GOT1L1: variants seen among roughly 807,000 people sequenced by gnomAD.
GOT1L1 encodes the protein aspartate aminotransferase, cytoplasmic 2.
A neutral mutation model predicts 43.6 loss-of-function variants in GOT1L1; 38 were observed. The ratio of observed to expected loss-of-function variants is 0.87; its 90% CI spans 0.67 to 1.14. GOT1L1 has a LOEUF of 1.14. Ranked by LOEUF, GOT1L1 falls within the 50% of genes most tolerant of loss-of-function variation. The pLI is 0.00. For missense variants in GOT1L1, 482 were observed against 504.0 expected (o/e 0.96, Z 0.42); for synonymous variants, 183 against 187.2 (o/e 0.98, Z 0.18).
chr8:37,937,387 C>A lies in GOT1L1; in HGVS notation c.410-1G>T. 1 of 1,578,092 alleles carries A rather than the reference C, an allele frequency of 6.3e-7. No individual in the cohort carries two copies. The highest frequency in any genetic ancestry group is 2.2e-5 in the East Asian group (1 of 44,674). On this transcript the variant is annotated splice_acceptor_variant, in intron 3 of 8. Coordinates refer to ENST00000307599, the MANE Select transcript of GOT1L1 (RefSeq NM_152413.3). LOFTEE classifies it high-confidence loss of function. Reference sequence around the variant, plus strand: ...TCCTGGAAGACGAGTCCATGCAGTTCTGTGGGAACACAGCCCCCCACTAGC... The same window carrying A: ...TCCTGGAAGACGAGTCCATGCAGTTATGTGGGAACACAGCCCCCCACTAGC...
At chr8:37,938,063 CA>C (rs2130272518) in intron 2 of GOT1L1, among the ~76,000 whole-genome samples, 1 of 150,968 alleles carries the variant, frequency 6.6e-6, no homozygotes, top group African/African-American at 2.4e-5. Flanking sequence ...AGTAAATAAA[CA>C]TTAAAAAATA....
chr8:37,935,554 A>C (rs1807722659), intron 7 of GOT1L1, 150 bp downstream of exon 7: 1 of 763,142 alleles, frequency 1.3e-6, no homozygotes, highest in Non-Finnish European at 2.0e-6. Flanking sequence ...CCATTGGTAC[A>C]CATCAGGTCC....
chr8:37,939,416 G>GAAAAAAAAAAAAA (rs4058283), intron 1 of GOT1L1, among the ~76,000 whole-genome samples: 1 of 21,408 alleles, frequency 4.7e-5, no homozygotes, highest in African/African-American at 2.0e-4. Flanking sequence ...CCTGTCTCAA[G>GAAAAAAAAAAAAA]AAAAAAAAAA....
intron 4 of GOT1L1, 45 bp downstream of exon 4, chr8:37,937,232 T>A: frequency 7.5e-7 from 1 of 1,327,986 alleles, no homozygotes; most frequent in Non-Finnish European, 1.1e-6. Flanking sequence ...AACATTAGGC[T>A]GTAAGTCAGC....
Position 37,937,382 on chromosome 8 carries a change from C to T in GOT1L1, c.414G>A (p.Leu138=), listed in dbSNP as rs765236057. 1 of 1,589,264 alleles carries T rather than the reference C, an allele frequency of 6.3e-7. No homozygotes were observed. Among genetic ancestry groups the T allele is most frequent in the East Asian group, 2.2e-5 (1 of 44,774 alleles). Residue 138 remains leucine (L), a synonymous_variant, in exon 4 of 9, where the codon CTG becomes CTA. Coordinates refer to ENST00000307599, the MANE Select transcript of GOT1L1 (RefSeq NM_152413.3). The stretch of plus-strand genomic sequence containing the variant: ...CCATGTCCTGGAAGACGAGTCCATG[C>T]AGTTCTGTGGGAACACAGCCCCCCA... ...IVYIISSQKE[L]HGLVFQDMGF...
At chr8:37,939,880 T>TAAGTATAAGTA in intron 1 of GOT1L1, 35 bp downstream of exon 1, 1 of 1,595,476 alleles carries the variant, frequency 6.3e-7, no homozygotes, top group Non-Finnish European at 8.6e-7. Context: ...TTACCATCAC[T>TAAGTATAAGTA]TAAGTCTTAT....
chr8:37,935,684 G>C lies in GOT1L1; in HGVS notation c.929+20C>G. The stretch of plus-strand genomic sequence containing the variant: ...CCCAGGGCCTCTCCCATCCCTTCCT[G>C]CTCCAGCCCTCACCCTTACCATTCT... On this transcript the variant is annotated intron_variant, in intron 7 of 8. Transcript: ENST00000307599. The C allele has an allele frequency of 6.5e-7, 1 of 1,549,732 alleles. No homozygotes were observed. The highest frequency in any genetic ancestry group is 8.7e-7 in the Non-Finnish European group (1 of 1,148,728).
At position 37,938,610 on chromosome 8, in the gene GOT1L1, C is replaced by G. The variant is rs914466870; in HGVS notation, c.297+90G>C. ...TCTCTTTTATCAATACCAGGGGGCC[C>G]TCCGAGGTCCCCTTCGGGTTTAAGG... On this transcript the variant is annotated intron_variant, in intron 2 of 8. Transcript: ENST00000307599. 7 of 1,226,844 alleles carry G rather than the reference C, an allele frequency of 5.7e-6. No homozygotes were observed. In the African/African-American group the frequency reaches 1.1e-4, roughly 19 times the overall value. The allele number at this position is 1,226,844 out of a possible 1,614,324, so 76.0% of individuals were successfully genotyped here.
chr8:37,939,826 C>A lies in GOT1L1; in HGVS notation c.115+89G>T, dbSNP rs141434129. ...TCTCCACCCACAGAAGCTTGGGCTGCACCCCTCCCCCTGCAGCAGGGAACA... is the reference window on the plus strand; with the variant it reads ...TCTCCACCCACAGAAGCTTGGGCTGAACCCCTCCCCCTGCAGCAGGGAACA... On this transcript the variant is annotated intron_variant, in intron 1 of 8. Coordinates refer to ENST00000307599, the MANE Select transcript of GOT1L1 (RefSeq NM_152413.3). The A allele has an allele frequency of 4.9e-4, 653 of 1,322,744 alleles. 2 individuals are homozygous for A. The African/African-American group carries it at 6.5e-3, about 13-fold the overall frequency. The allele number at this position is 1,322,744 out of a possible 1,614,324, so 81.9% of individuals were successfully genotyped here.
At position 37,939,715 on chromosome 8, in the gene GOT1L1, C is replaced by T. The variant is rs539232329; in HGVS notation, c.115+200G>A. On this transcript the variant is annotated intron_variant, in intron 1 of 8. Coordinates refer to ENST00000307599, the MANE Select transcript of GOT1L1 (RefSeq NM_152413.3). The stretch of plus-strand genomic sequence containing the variant: ...AGCTCTCACCAAATCCCTAGAAGCC[C>T]CCAGAGAAGGGCAGAGAGCATGGAA... Among the ~76,000 whole-genome samples the T allele has an allele frequency of 1.1e-4, 17 of 151,996 alleles. 1 individual carries two copies. The South Asian group carries it at 2.3e-3, about 20-fold the overall frequency.
chr8:37,937,890 A>C, intron 2 of GOT1L1, 141 bp from the exon 3 acceptor site: 2 of 601,302 alleles, frequency 3.3e-6, no homozygotes, highest in South Asian at 3.8e-5. Flanking sequence ...AAAATACAAA[A>C]ATTAGCCGGA....
chr8:37,936,493 C>T (rs1807759321), intron 6 of GOT1L1, among the ~76,000 whole-genome samples: 1 of 151,982 alleles, frequency 6.6e-6, no homozygotes, highest in South Asian at 2.1e-4. Flanking sequence ...GTTGAGGAAA[C>T]AGAGGCCTGA....
In GOT1L1 at chr8:37,936,956, T is replaced by C; in HGVS notation, c.612+9A>G. On this transcript the variant is annotated intron_variant, in intron 5 of 8. Transcript: ENST00000307599. ...AAGACAGGAAGGTCGGGTGGGAGAT[T>C]GGGTTTACCTTTATCATGGACATCA... The C allele has an allele frequency of 1.2e-6, 2 of 1,613,512 alleles. No individual in the cohort carries two copies. The highest frequency in any genetic ancestry group is 1.7e-6 in the Non-Finnish European group (2 of 1,179,498).
rs886236840 is a variant in GOT1L1, at chr8:37,938,869, T to C, written c.128A>G (p.Asn43Ser). The change falls in exon 2 of 9, where the codon AAT (asparagine) becomes AGT (serine). Residue 43 changes from asparagine (N) to serine (S), a missense_variant. Physicochemically the swap from Asn to Ser is conservative, Grantham distance 46. Coordinates refer to ENST00000307599, the MANE Select transcript of GOT1L1 (RefSeq NM_152413.3). ...GAGAGAAACCCAGGGATGGCCTTCA[T>C]TTGTCATGCAGACTGTGAGGAAAAC... The part of the protein sequence containing the change: ...IFLAYRVCMT[N>S]EGHPWVSLVV... 1 of 1,613,540 alleles carries C rather than the reference T, an allele frequency of 6.2e-7. No individual in the cohort carries two copies. Among genetic ancestry groups the C allele is most frequent in the Non-Finnish European group, 8.5e-7 (1 of 1,179,704 alleles).
In GOT1L1 at chr8:37,940,054, A is replaced by G. The variant is rs767631051; in HGVS notation, c.-25T>C. On this transcript the variant is annotated 5_prime_UTR_variant, in exon 1 of 9. Coordinates refer to ENST00000307599, the MANE Select transcript of GOT1L1 (RefSeq NM_152413.3). ...TAACTGAAACGAAACTGGAGCCAAG[A>G]CTATGTGTCTCTGCTCCTGTGTTCC... is the stretch of plus-strand genomic sequence containing the variant. The G allele has an allele frequency of 2.6e-5, 42 of 1,604,114 alleles. No individual in the cohort carries two copies. Among genetic ancestry groups the G allele is most frequent in the Non-Finnish European group, 2.8e-5 (33 of 1,174,966 alleles).
intron 1 of GOT1L1, 196 bp from the exon 2 acceptor site, chr8:37,939,077 C>CT: frequency 1.9e-6 from 1 of 522,424 alleles, no homozygotes; most frequent in Non-Finnish European, 3.5e-6. Context: ...TTATTTTTGT[C>CT]TTTTTAAAAA....
chr8:37,937,427 CAG>C (rs1472476067), intron 3 of GOT1L1, 41 bp from the exon 4 acceptor site: 1 of 1,358,570 alleles, frequency 7.4e-7, no homozygotes, highest in Non-Finnish European at 1.0e-6. Context: ...ACATGGGAAA[CAG>C]AGAGACGGAG....
chr8:37,938,735 A>G lies in GOT1L1; in HGVS notation c.262T>C (p.Phe88Leu). The change falls in exon 2 of 9, where the codon TTT becomes CTT. Residue 88 changes from phenylalanine to leucine, a missense_variant. Phe to Leu is a conservative substitution (Grantham distance 22). Transcript: ENST00000307599. ...SFIQASLALL[F>L]GKHSQAIVEN... ...ACAATGGCTTGGCTGTGCTTTCCAA[A>G]GAGGAGTGCTAGAGAGGCCTGGATG... is the stretch of plus-strand genomic sequence containing the variant. 6.2e-7 allele frequency: 1 copy of G among 1,600,612 alleles called. No homozygotes were observed.
intron 2 of GOT1L1, among the ~76,000 whole-genome samples, chr8:37,937,973 G>A (rs574192113): frequency 7.2e-5 from 11 of 152,282 alleles, no homozygotes; most frequent in South Asian, 6.2e-4. Flanking sequence ...CCCGGAAGGC[G>A]GAAGTTGCAG....
Sources: allele counts gnomAD v4.1 joint callset (sites outside exome capture counted in the v4.1 genomes callset), GRCh38; gene constraint gnomAD v4.1.1; transcripts MANE v1.5; gene names NCBI Gene and HGNC (gene_info 2026-07-23, HGNC 2026-07-21).